The following AUTS2 variants were observed in gnomAD, a reference collection of about 807,000 sequenced individuals.
AUTS2 encodes the protein activator of transcription and developmental regulator AUTS2.
A neutral mutation model predicts 112.4 loss-of-function variants in AUTS2; 17 were observed. The observed-to-expected ratio is 0.15, with a 90% CI of 0.10 to 0.23. The LOEUF is 0.23. Ranked by LOEUF, AUTS2 falls within the 10% of genes least tolerant of loss-of-function variation. The pLI, the probability that AUTS2 is intolerant of heterozygous loss-of-function variation, is 1.00. For missense variants in AUTS2, 1,510 were observed against 1,701.6 expected, an observed-to-expected ratio of 0.89 and a Z score of 1.98; for synonymous variants, 751 against 702.7, an observed-to-expected ratio of 1.07 and a Z score of -1.09.
chr7:70,555,866 G>A (rs1439085050), intron 5 of AUTS2, among the ~76,000 whole-genome samples: 1 of 150,516 alleles, frequency 6.6e-6, no homozygotes, highest in Non-Finnish European at 1.5e-5. Context: ...GTGCAGTAGT[G>A]CGATCTCGGC....
chr7:69,974,997 C>G (rs1206926213), intron 2 of AUTS2, among the ~76,000 whole-genome samples: 3 of 151,610 alleles, frequency 2.0e-5, no homozygotes, highest in Non-Finnish European at 4.4e-5. Flanking sequence ...AATAGAACTT[C>G]CTTTAGCCAT....
intron 2 of AUTS2, among the ~76,000 whole-genome samples, chr7:70,073,715 T>C (rs1043680116): frequency 6.6e-6 from 1 of 152,196 alleles, no homozygotes; most frequent in African/African-American, 2.4e-5. Flanking sequence ...GGATTATTTC[T>C]CAATAAAAAA....
chr7:70,261,171 T>C (rs1181795390), intron 4 of AUTS2, among the ~76,000 whole-genome samples: 1 of 152,208 alleles, frequency 6.6e-6, no homozygotes, highest in African/African-American at 2.4e-5. Flanking sequence ...CTGATATTCC[T>C]AACAACATGG....
chr7:70,742,872 A>G (rs550303859), intron 6 of AUTS2, among the ~76,000 whole-genome samples: 1 of 152,150 alleles, frequency 6.6e-6, no homozygotes, highest in South Asian at 2.1e-4. Context: ...ACTGGAAAGG[A>G]CCACAGATAT....
intron 1 of AUTS2, among the ~76,000 whole-genome samples, chr7:69,881,281 T>A (rs1368705235): frequency 6.6e-6 from 1 of 152,166 alleles, no homozygotes; most frequent in Non-Finnish European, 1.5e-5. Context: ...TCCTCTCCTT[T>A]TTCCCCGTCT....
intron 4 of AUTS2, chr7:70,291,426 C>T (rs1012866988): frequency 6.6e-6 from 1 of 152,124 alleles, no homozygotes; most frequent in African/African-American, 2.4e-5. Context: ...CACAGAGGTT[C>T]CTGATAGCCC....
chr7:69,658,284 C>A (rs1795634842), intron 1 of AUTS2, among the ~76,000 whole-genome samples: 1 of 152,214 alleles, frequency 6.6e-6, no homozygotes, highest in Non-Finnish European at 1.5e-5. Context: ...TATTATATAG[C>A]AGGCATATAG....
chr7:69,889,118 T>C (rs1041131612), intron 1 of AUTS2, among the ~76,000 whole-genome samples: 5 of 152,194 alleles, frequency 3.3e-5, no homozygotes, highest in Non-Finnish European at 5.9e-5. Flanking sequence ...CCTAGGGTTC[T>C]CAAACTCCTG....
intron 1 of AUTS2, among the ~76,000 whole-genome samples, chr7:69,724,728 A>G (rs902669821): frequency 2.6e-5 from 4 of 152,192 alleles, no homozygotes; most frequent in Non-Finnish European, 5.9e-5. Flanking sequence ...AGAAAATTTC[A>G]AATTATGGTC....
At chr7:69,877,727 T>C (rs1344738021) in intron 1 of AUTS2, among the ~76,000 whole-genome samples, 3 of 152,192 alleles carry the variant, frequency 2.0e-5, no homozygotes, top group Non-Finnish European at 4.4e-5. Flanking sequence ...TTCCTGTTAC[T>C]GTGGTAATTC....
chr7:70,398,538 G>A (rs1214387255), intron 4 of AUTS2, among the ~76,000 whole-genome samples: 1 of 151,784 alleles, frequency 6.6e-6, no homozygotes, highest in Admixed American at 6.6e-5. Context: ...ATTTTTGATT[G>A]TTGCTAGTAC....
chr7:70,138,351 C>G (rs1334646300), intron 4 of AUTS2, among the ~76,000 whole-genome samples: 2 of 152,206 alleles, frequency 1.3e-5, no homozygotes, highest in African/African-American at 4.8e-5. Flanking sequence ...CAGGAAAGAT[C>G]TGGACTCATT....
chr7:70,104,615 A>G (rs1446788486), intron 2 of AUTS2, among the ~76,000 whole-genome samples: 11 of 152,136 alleles, frequency 7.2e-5, no homozygotes, highest in African/African-American at 2.7e-4. Context: ...GAATATTAAA[A>G]CCATCTGTTT....
At chr7:69,634,419 C>A (rs893965884) in intron 1 of AUTS2, among the ~76,000 whole-genome samples, 2 of 152,250 alleles carry the variant, frequency 1.3e-5, no homozygotes, top group African/African-American at 4.8e-5. Flanking sequence ...CGCGCCCGGC[C>A]CAGACTTGAT....
chr7:70,634,479 A>G (rs1017556495), intron 5 of AUTS2, among the ~76,000 whole-genome samples: 3 of 152,088 alleles, frequency 2.0e-5, no homozygotes, highest in African/African-American at 7.2e-5. Context: ...ATGCTTGAGG[A>G]CACCCTTTGG....
At chr7:70,485,538 G>A (rs1163248612) in intron 5 of AUTS2, among the ~76,000 whole-genome samples, 2 of 152,140 alleles carry the variant, frequency 1.3e-5, no homozygotes, top group South Asian at 2.1e-4. Context: ...CTCAGGTGAC[G>A]GCTGCACCAA....
At chr7:70,214,499 C>T (rs1431713094) in intron 4 of AUTS2, among the ~76,000 whole-genome samples, 2 of 152,184 alleles carry the variant, frequency 1.3e-5, no homozygotes, top group African/African-American at 4.8e-5. Context: ...AACACTCAGT[C>T]ACACACATAC....
chr7:69,852,873 T>C (rs1792551403), intron 1 of AUTS2, among the ~76,000 whole-genome samples: 1 of 152,192 alleles, frequency 6.6e-6, no homozygotes, highest in African/African-American at 2.4e-5. Flanking sequence ...TTAAGTTATT[T>C]TGAGGCTTCC....
intron 4 of AUTS2, among the ~76,000 whole-genome samples, chr7:70,242,264 CA>C (rs1388062778): frequency 6.6e-6 from 1 of 152,116 alleles, no homozygotes; most frequent in Non-Finnish European, 1.5e-5. Context: ...GGATTCATCC[CA>C]AACCCCCAAA....
Sources: allele counts gnomAD v4.1 joint callset (sites outside exome capture counted in the v4.1 genomes callset), GRCh38; gene constraint gnomAD v4.1.1; transcripts MANE v1.5; gene names NCBI Gene and HGNC (gene_info 2026-07-23, HGNC 2026-07-21).